HDGFL3: variants seen among roughly 807,000 people sequenced by gnomAD.
HDGFL3 encodes HDGF like 3.
In HDGFL3, 6 loss-of-function variants were observed where a neutral mutation model predicts 27.6. The ratio of observed to expected loss-of-function variants is 0.22; its 90% CI spans 0.12 to 0.43. The LOEUF is 0.43. Among genes scored for constraint, HDGFL3 ranks in the 20% least tolerant of loss-of-function variants. The probability of loss-of-function intolerance (pLI) is 1.00; values close to 1 mark genes in which losing one functional copy is unlikely to be tolerated. For missense variants in HDGFL3, 207 were observed against 250.1 expected (o/e 0.83, Z 1.16); for synonymous variants, 88 against 88.9 (o/e 0.99, Z 0.05).
chr15:83,126,671 TA>T, downstream of HDGFL3: 1 of 1,091,230 alleles, frequency 9.2e-7, no homozygotes, highest in Non-Finnish European at 1.4e-6. Flanking sequence ...AGCTTGTGAC[TA>T]AACCTGGCAC....
At chr15:83,179,831 G>A (rs2037357477) in intron 1 of HDGFL3, 1 of 152,208 alleles carries the variant, frequency 6.6e-6, no homozygotes, top group Non-Finnish European at 1.5e-5. Context: ...ACTGCCTAAA[G>A]CAGTACCTGA....
chr15:83,195,416 T>C (rs189093779), intron 1 of HDGFL3, among the ~76,000 whole-genome samples: 215 of 152,268 alleles, frequency 1.4e-3, no homozygotes, highest in Non-Finnish European at 2.2e-3. Flanking sequence ...AATAAATGTG[T>C]CTTTTTAAAA....
Position 83,129,398 on chromosome 15 carries a change from A to G in HDGFL3, c.*9872T>C, listed in dbSNP as rs575472105. On this transcript the variant is annotated 3_prime_UTR_variant, in exon 6 of 6. Coordinates refer to ENST00000299633, the MANE Select transcript of HDGFL3 (RefSeq NM_016073.4). The stretch of plus-strand genomic sequence containing the variant: ...AAGGTCCAGGCCTGGCACCAGGTCA[A>G]CTGAGGGGAGGCTGGTGACTGTGGT... The G allele has an allele frequency of 4.1e-4, 62 of 152,314 alleles. 1 individual carries two copies. Among genetic ancestry groups the G allele is most frequent in the African/African-American group, 1.5e-3 (62 of 41,558 alleles). The allele number at this position is 152,314 out of a possible 1,614,324, so 9.4% of individuals were successfully genotyped here.
chr15:83,176,388 A>T (rs537556256), intron 1 of HDGFL3, among the ~76,000 whole-genome samples: 7 of 152,214 alleles, frequency 4.6e-5, no homozygotes, highest in Non-Finnish European at 1.0e-4. Flanking sequence ...TAAAAAACTG[A>T]ATTTTGAATA....
chr15:83,167,768 A>G (rs1271438267), intron 1 of HDGFL3, among the ~76,000 whole-genome samples: 1 of 152,234 alleles, frequency 6.6e-6, no homozygotes, highest in African/African-American at 2.4e-5. Flanking sequence ...AGCATTAGAT[A>G]GATCATCAAG....
rs2036146232 is a variant in HDGFL3, at chr15:83,130,392, A to C, written c.*8878T>G. 1 of 152,344 alleles carries C rather than the reference A, an allele frequency of 6.6e-6. No homozygotes were observed. The highest frequency in any genetic ancestry group is 1.5e-5 in the Non-Finnish European group (1 of 68,136). The allele number at this position is 152,344 out of a possible 1,614,324, so 9.4% of individuals were successfully genotyped here. ...GGACTACAGAGCAGCTGGCAGCCGC[A>C]GGGGCATTACCTCATTCATGTCAGA... On this transcript the variant is annotated 3_prime_UTR_variant, in exon 6 of 6. Transcript: ENST00000299633.
rs1428756409 is a variant in HDGFL3 at position 83,127,792 on chromosome 15, GA to G, written c.*11477del. 2 of 289,216 alleles carry G rather than the reference GA, an allele frequency of 6.9e-6. No homozygotes were observed. Among genetic ancestry groups the G allele is most frequent in the African/African-American group, 4.6e-5 (2 of 43,666 alleles). 17.9% of individuals were successfully genotyped at this position (289,216 alleles called of 1,614,324 possible). ...TTTATTGGACTGTTTCACAATCTCT[GA>G]ATACCATGGCTACTAAAAAAGGATT... On this transcript the variant is annotated 3_prime_UTR_variant, in exon 6 of 6. Coordinates refer to ENST00000299633, the MANE Select transcript of HDGFL3 (RefSeq NM_016073.4).
intron 5 of HDGFL3, among the ~76,000 whole-genome samples, chr15:83,143,042 G>A (rs1022544548): frequency 6.6e-6 from 1 of 151,794 alleles, no homozygotes; most frequent in Non-Finnish European, 1.5e-5. Flanking sequence ...TTGAGACGGA[G>A]TCTTGCTCTG....
chr15:83,125,861 AG>A (rs1162746935), downstream of HDGFL3, among the ~76,000 whole-genome samples: 1 of 152,200 alleles, frequency 6.6e-6, no homozygotes, highest in African/African-American at 2.4e-5. Flanking sequence ...TGAAATGTCA[AG>A]AAACTTTCTG....
intron 1 of HDGFL3, among the ~76,000 whole-genome samples, chr15:83,201,910 G>A (rs190876255): frequency 1.3e-5 from 2 of 152,300 alleles, no homozygotes; most frequent in Non-Finnish European, 2.9e-5. Flanking sequence ...GACTGAGTGA[G>A]CTTGTGCCAG....
intron 5 of HDGFL3, among the ~76,000 whole-genome samples, chr15:83,147,434 T>C (rs1027956161): frequency 1.3e-5 from 2 of 152,138 alleles, no homozygotes; most frequent in Non-Finnish European, 2.9e-5. Flanking sequence ...CATTTCTGAC[T>C]TGGATCATTC....
chr15:83,198,054 C>CAAAAAAAAAAA (rs766372255), intron 1 of HDGFL3, among the ~76,000 whole-genome samples: 4,653 of 57,434 alleles, frequency 0.081, 757 homozygotes, highest in Admixed American at 0.14. Flanking sequence ...GACTCCGTCT[C>CAAAAAAAAAAA]AAAAAAAAAA....
Position 83,131,737 on chromosome 15 carries a change from A to G in HDGFL3, c.*7533T>C, listed in dbSNP as rs2151382750. 1 of 152,356 alleles carries G rather than the reference A, an allele frequency of 6.6e-6. No homozygotes were observed. Among genetic ancestry groups the G allele is most frequent in the African/African-American group, 2.4e-5 (1 of 41,580 alleles). The allele number at this position is 152,356 out of a possible 1,614,324, so 9.4% of individuals were successfully genotyped here. On this transcript the variant is annotated 3_prime_UTR_variant, in exon 6 of 6. Transcript: ENST00000299633. ...TCAGAAATCAAAAGATCAAGGAAAG[A>G]GTAAAAGAAGATTGAATAAAATGAA...
chr15:83,150,710 A>G (rs1252544498), intron 5 of HDGFL3, among the ~76,000 whole-genome samples: 4 of 152,248 alleles, frequency 2.6e-5, no homozygotes, highest in Non-Finnish European at 4.4e-5. Context: ...AAGGTTAACA[A>G]AAGTTATGAA....
Position 83,207,025 on chromosome 15 carries a change from C to A in HDGFL3, c.84+306G>T, listed in dbSNP as rs2037726491. Among the ~76,000 whole-genome samples the A allele has an allele frequency of 2.0e-5, 3 of 152,370 alleles. No individual in the cohort carries two copies. Among genetic ancestry groups the A allele is most frequent in the Middle Eastern group, 6.8e-3 (2 of 292 alleles). On this transcript the variant is annotated intron_variant, in intron 1 of 5. Transcript: ENST00000299633. The surrounding 1 kb of genome is among the most constrained non-coding windows in gnomAD (Gnocchi z 4.8). ...CGAAGCCTCCGTCGCAGGCCCGCTG[C>A]CCGGCGGCGTGGCTTCCCGGTCGGC...
intron 1 of HDGFL3, among the ~76,000 whole-genome samples, chr15:83,170,021 G>A (rs1016925719): frequency 6.6e-6 from 1 of 152,180 alleles, no homozygotes; most frequent in Non-Finnish European, 1.5e-5. Context: ...CCAAGGAGGT[G>A]AAAGATCTCT....
chr15:83,151,282 G>C lies in HDGFL3; in HGVS notation c.539C>G (p.Ser180Cys). The C allele has an allele frequency of 6.2e-7, 1 of 1,613,434 alleles. No individual in the cohort carries two copies. Among genetic ancestry groups the C allele is most frequent in the Non-Finnish European group, 8.5e-7 (1 of 1,179,766 alleles). The change falls in exon 5 of 6, where the codon TCT (serine) becomes TGT (cysteine). Residue 180 changes from serine (S) to cysteine (C), a missense_variant. Transcript: ENST00000299633. ...DCKEEENKSS[S>C]EGGDAGNDTR... ...GTCGTTGCCCGCATCTCCACCCTCA[G>C]AGCTGCTTTTGTTTTCCTCTTCTTT... is the stretch of plus-strand genomic sequence containing the variant.
chr15:83,180,500 G>C (rs112701603), intron 1 of HDGFL3, among the ~76,000 whole-genome samples: 2 of 152,004 alleles, frequency 1.3e-5, no homozygotes, highest in South Asian at 2.1e-4. Context: ...TTTGGATAAA[G>C]AGAAGTCTGC....
rs559221644 is a variant in HDGFL3, at chr15:83,141,592, CT to C, written c.607-2318del. The stretch of plus-strand genomic sequence containing the variant: ...CTGACAGTTTTCCAATATTTAAAGA[CT>C]TTTTTTTTAGAGACAGGGTCTTGCT... On this transcript the variant is annotated intron_variant, in intron 5 of 5. Coordinates refer to ENST00000299633, the MANE Select transcript of HDGFL3 (RefSeq NM_016073.4). Among the ~76,000 whole-genome samples the C allele has an allele frequency of 2.2e-3, 330 of 150,964 alleles. 1 individual carries two copies. Among genetic ancestry groups the C allele is most frequent in the African/African-American group, 7.6e-3 (313 of 41,186 alleles).
Sources: gnomAD v4.1 joint callset for allele counts (sites outside exome capture counted in the v4.1 genomes callset) on GRCh38, gnomAD v4.1.1 for gene constraint, Gnocchi (gnomAD v3.1) non-coding constraint, MANE v1.5 for transcripts, NCBI Gene and HGNC (gene_info 2026-07-23, HGNC 2026-07-21) for gene names.